The following IGSF3 variants were observed in gnomAD, a reference collection of about 807,000 sequenced individuals.
IGSF3 encodes the protein immunoglobulin superfamily member 3.
A neutral mutation model predicts 114.4 loss-of-function variants in IGSF3; 23 were observed. The ratio of observed to expected loss-of-function variants is 0.20; its 90% CI spans 0.14 to 0.28. The LOEUF is 0.28. Ranked by LOEUF, IGSF3 falls within the 10% of genes least tolerant of loss-of-function variation. IGSF3 has a pLI of 1.00. For synonymous variants in IGSF3, 571 were observed against 645.2 expected (o/e 0.88, Z 1.74); for missense variants, 1,172 against 1,591.5 (o/e 0.74, Z 4.48).
At chr1:116,656,244 T>C (rs977086715) in intron 2 of IGSF3, among the ~76,000 whole-genome samples, 1 of 147,780 alleles carries the variant, frequency 6.8e-6, no homozygotes, top group East Asian at 2.0e-4. Context: ...TCAAAGTCAA[T>C]AAGGAGCATA....
In IGSF3 at chr1:116,627,949, G is replaced by A. The variant is rs1413850352; in HGVS notation, c.44-11492C>T. The stretch of plus-strand genomic sequence containing the variant: ...AGCTCTTCACCCTGGAAAGCACTCC[G>A]GTACAAAACAGGAATATTCCTCTTC... On this transcript the variant is annotated intron_variant, in intron 2 of 10. Transcript: ENST00000369486. This position sits in a 1 kb window ranked among gnomAD's most constrained non-coding sequence, Gnocchi z 4.7. Among the ~76,000 whole-genome samples, 6 of 152,188 alleles carry A rather than the reference G, an allele frequency of 3.9e-5. No individual in the cohort carries two copies. Among genetic ancestry groups the A allele is most frequent in the South Asian group, 2.1e-4 (1 of 4,826 alleles).
rs1659382616 is a variant in IGSF3, at chr1:116,577,195, T to A, written c.*117A>T. 4.3e-6 allele frequency: 5 copies of A among 1,170,986 alleles called. No individual in the cohort carries two copies. The highest frequency in any genetic ancestry group is 6.0e-6 in the Non-Finnish European group (5 of 840,118). 72.5% of individuals were successfully genotyped at this position (1,170,986 alleles called of 1,614,324 possible). A position where few individuals can be genotyped will look rare whatever the true frequency, so the allele number is the denominator to read the frequency against. On this transcript the variant is annotated 3_prime_UTR_variant, in exon 11 of 11. Coordinates refer to ENST00000369486, the MANE Select transcript of IGSF3 (RefSeq NM_001007237.3). The surrounding 1 kb of genome is among the most constrained non-coding windows in gnomAD (Gnocchi z 5.7). ...CTGGGAACTTGGAACACTTTTCAAG[T>A]CTGACAACTTTCCACACACATGCAC...
rs1409279996 is a variant in IGSF3, at chr1:116,636,447, T to C, written c.44-19990A>G. ...CTCTCCAATAGCATGAAGTAGACAA[T>C]GATGTTCTTAGCATCCAGTCTTAAA... On this transcript the variant is annotated intron_variant, in intron 2 of 10. Coordinates refer to ENST00000369486, the MANE Select transcript of IGSF3 (RefSeq NM_001007237.3). This position sits in a 1 kb window ranked among gnomAD's most constrained non-coding sequence, Gnocchi z 4.5. Among the ~76,000 whole-genome samples, 1 of 152,116 alleles carries C rather than the reference T, an allele frequency of 6.6e-6. No homozygotes were observed. The highest frequency in any genetic ancestry group is 1.5e-5 in the Non-Finnish European group (1 of 68,016).
In IGSF3 at chr1:116,594,695, C is replaced by T. The variant is rs1227493500; in HGVS notation, c.2029+5246G>A. ...GCTATTACATATGCCCACCCTCACC[C>T]CATGCTCCCATGTACAAAAGGGACT... On this transcript the variant is annotated intron_variant, in intron 7 of 10. Transcript: ENST00000369486. The surrounding 1 kb of genome is among the most constrained non-coding windows in gnomAD (Gnocchi z 5.2). 1.3e-5 allele frequency among the ~76,000 whole-genome samples: 2 copies of T among 152,170 alleles called. No individual in the cohort carries two copies. The highest frequency in any genetic ancestry group is 4.8e-5 in the African/African-American group (2 of 41,430).
rs1465904239 is a variant in IGSF3, at chr1:116,583,687, C to T, written c.2848+958G>A. On this transcript the variant is annotated intron_variant, in intron 9 of 10. Transcript: ENST00000369486. The surrounding 1 kb of genome is among the most constrained non-coding windows in gnomAD (Gnocchi z 4.5). ...AATTCACTTCTCCTCCAGGTCCTTA[C>T]AGGAACCATCGACTTTTCATTCTAA... 6.6e-6 allele frequency among the ~76,000 whole-genome samples: 1 copy of T among 152,204 alleles called. No individual in the cohort carries two copies. Among genetic ancestry groups the T allele is most frequent in the East Asian group, 1.9e-4 (1 of 5,200 alleles).
At chr1:116,656,137 C>T (rs1648834668) in intron 2 of IGSF3, among the ~76,000 whole-genome samples, 1 of 151,808 alleles carries the variant, frequency 6.6e-6, no homozygotes, top group Non-Finnish European at 1.5e-5. Flanking sequence ...CAATATGTTC[C>T]GCATGATTCC....
rs553512242 is a variant in IGSF3 at position 116,599,966 on chromosome 1, C to T, written c.2004G>A (p.Leu668=). Residue 668 remains leucine, a synonymous_variant, in exon 7 of 11, where the codon CTG becomes CTA. Transcript: ENST00000369486. ...CTGGCTGCAGCACCCTGATCTCCAGCAGGTTGGAGGTCCTCTCCGCCAGTC... is the reference window on the plus strand; with the variant it reads ...CTGGCTGCAGCACCCTGATCTCCAGTAGGTTGGAGGTCCTCTCCGCCAGTC... ...WTRLAERTSN[L]LEIRVLQPVT... is the part of the protein sequence containing the mutation. 1.4e-4 allele frequency: 222 copies of T among 1,612,804 alleles called. 1 individual carries two copies. The highest frequency in any genetic ancestry group is 8.8e-4 in the Admixed American group (53 of 60,024).
intron 2 of IGSF3, among the ~76,000 whole-genome samples, chr1:116,653,852 C>T (rs936485376): frequency 6.6e-6 from 1 of 152,226 alleles, no homozygotes; most frequent in East Asian, 1.9e-4. Context: ...GAACTGGAAC[C>T]AATCACCTGC....
rs1571184439 is a variant in IGSF3, at chr1:116,642,068, C to T, written c.43+24216G>A. Among the ~76,000 whole-genome samples, 1 of 152,140 alleles carries T rather than the reference C, an allele frequency of 6.6e-6. No homozygotes were observed. The highest frequency in any genetic ancestry group is 1.5e-5 in the Non-Finnish European group (1 of 68,008). On this transcript the variant is annotated intron_variant, in intron 2 of 10. Transcript: ENST00000369486. The surrounding 1 kb of genome is among the most constrained non-coding windows in gnomAD (Gnocchi z 5.4). Reference sequence around the variant, plus strand: ...ACAAGCATGAGCCACTGTGCCCCAGCCCAACATCAGATTTCAAAAGTACTA... The same window carrying T: ...ACAAGCATGAGCCACTGTGCCCCAGTCCAACATCAGATTTCAAAAGTACTA...
rs1383337764 is a variant in IGSF3, at chr1:116,589,061, C to A, written c.2073G>T (p.Leu691=). 1 of 1,614,130 alleles carries A rather than the reference C, an allele frequency of 6.2e-7. No individual in the cohort carries two copies. The highest frequency in any genetic ancestry group is 2.2e-5 in the East Asian group (1 of 44,876). The part of the protein sequence containing the change: ...QVSKSKRTLT[L]VENKPIQLNC... ...TCAACTGAATGGGCTTGTTTTCCAC[C>A]AGGGTGAGGGTCCTCTTCGATTTGC... Residue 691 remains leucine, a synonymous_variant, in exon 8 of 11, where the codon CTG becomes CTT. Coordinates refer to ENST00000369486, the MANE Select transcript of IGSF3 (RefSeq NM_001007237.3). The surrounding 1 kb of genome is among the most constrained non-coding windows in gnomAD (Gnocchi z 5.7).
intron 6 of IGSF3, among the ~76,000 whole-genome samples, chr1:116,602,047 T>A (rs1197524443): frequency 2.0e-5 from 3 of 152,230 alleles, no homozygotes; most frequent in African/African-American, 4.8e-5. Context: ...AATTCATGTG[T>A]GTCATTGTTA....
At chr1:116,611,707 C>T (rs1329619479) in intron 4 of IGSF3, among the ~76,000 whole-genome samples, 7 of 152,070 alleles carry the variant, frequency 4.6e-5, no homozygotes, top group African/African-American at 1.7e-4. Flanking sequence ...ATTGGTGTTC[C>T]TGGATTTGTC....
At chr1:116,652,474 T>C (rs1466509483) in intron 2 of IGSF3, among the ~76,000 whole-genome samples, 1 of 152,218 alleles carries the variant, frequency 6.6e-6, no homozygotes, top group East Asian at 1.9e-4. Flanking sequence ...TTGTTAGAGG[T>C]TGAACCATTA....
rs572779096 is a variant in IGSF3 at position 116,575,666 on chromosome 1, C to A, written c.*1646G>T. ...TCTTGGGATTCAGGATGTAAGTTCC[C>A]AGAGTAAAGGAGATGGCATGCTTGG... On this transcript the variant is annotated 3_prime_UTR_variant, in exon 11 of 11. Coordinates refer to ENST00000369486, the MANE Select transcript of IGSF3 (RefSeq NM_001007237.3). This position sits in a 1 kb window ranked among gnomAD's most constrained non-coding sequence, Gnocchi z 5.6. 6.6e-6 allele frequency: 1 copy of A among 152,270 alleles called. No individual in the cohort carries two copies. The highest frequency in any genetic ancestry group is 2.4e-5 in the African/African-American group (1 of 41,538). The allele number at this position is 152,270 out of a possible 1,614,324, so 9.4% of individuals were successfully genotyped here.
chr1:116,613,555 G>A (rs971440057), intron 4 of IGSF3, among the ~76,000 whole-genome samples: 4 of 152,238 alleles, frequency 2.6e-5, no homozygotes, highest in Admixed American at 2.0e-4. Context: ...CTCAGTCTGT[G>A]TGGCACCTGC....
chr1:116,616,396 G>A lies in IGSF3; in HGVS notation c.105C>T (p.Gly35=), dbSNP rs764382624. ...VQEGPLYRTE[G]SHITIWCNVS... The stretch of plus-strand genomic sequence containing the variant: ...CATTGCACCAGATAGTGATGTGGGA[G>A]CCCTCCGTGCGGTACAAGGGTCCTT... Residue 35 remains glycine (G), a synonymous_variant, in exon 3 of 11, where the codon GGC becomes GGT. Coordinates refer to ENST00000369486, the MANE Select transcript of IGSF3 (RefSeq NM_001007237.3). This position sits in a 1 kb window ranked among gnomAD's most constrained non-coding sequence, Gnocchi z 6.6. The A allele has an allele frequency of 6.2e-7, 1 of 1,610,068 alleles. No individual in the cohort carries two copies. The highest frequency in any genetic ancestry group is 8.5e-7 in the Non-Finnish European group (1 of 1,178,196).
chr1:116,626,338 G>A (rs748658004), intron 2 of IGSF3, among the ~76,000 whole-genome samples: 2 of 151,110 alleles, frequency 1.3e-5, no homozygotes, highest in South Asian at 2.1e-4. Flanking sequence ...AAACATTATC[G>A]TCCCTTTCAT....
At chr1:116,581,105 G>A (rs1423894157) in intron 9 of IGSF3, among the ~76,000 whole-genome samples, 1 of 152,168 alleles carries the variant, frequency 6.6e-6, no homozygotes, top group African/African-American at 2.4e-5. Flanking sequence ...AAAACACAGA[G>A]AACCCAAGGA....
chr1:116,617,711 C>CTT, intron 2 of IGSF3, among the ~76,000 whole-genome samples: 1 of 152,322 alleles, frequency 6.6e-6, no homozygotes, highest in Non-Finnish European at 1.5e-5. Context: ...TTAATAACAT[C>CTT]TGTAAAGACC....
Sources: allele counts gnomAD v4.1 joint callset (sites outside exome capture counted in the v4.1 genomes callset), GRCh38; gene constraint gnomAD v4.1.1; non-coding constraint Gnocchi (gnomAD v3.1); transcripts MANE v1.5; gene names NCBI Gene and HGNC (gene_info 2026-07-23, HGNC 2026-07-21).